ROR1: variants seen among roughly 807,000 people sequenced by gnomAD.
ROR1 encodes the protein ROR family WNT receptor 1.
A neutral mutation model predicts 78.8 loss-of-function variants in ROR1; 19 were observed. That is an observed-to-expected ratio of 0.24 (90% CI 0.17 to 0.35). The LOEUF is 0.35. ROR1 is among the 10% of genes least tolerant of loss of function. The pLI, the probability that ROR1 is intolerant of heterozygous loss-of-function variation, is 1.00. For missense variants in ROR1, 917 were observed against 1,177.8 expected (o/e 0.78, Z 3.24); for synonymous variants, 386 against 433.6 (o/e 0.89, Z 1.36).
intron 4 of ROR1, among the ~76,000 whole-genome samples, chr1:64,083,593 G>GAAAA (rs1270419889): frequency 2.2e-5 from 3 of 133,950 alleles, no homozygotes; most frequent in African/African-American, 3.0e-5. Flanking sequence ...GAGAGAGAGA[G>GAAAA]AGAAAAAAAA....
intron 2 of ROR1, among the ~76,000 whole-genome samples, chr1:64,049,223 A>G (rs976260362): frequency 5.3e-5 from 8 of 152,126 alleles, no homozygotes; most frequent in African/African-American, 1.7e-4. Context: ...TGCCATGTGG[A>G]TATGAATGTG....
chr1:63,861,890 G>A (rs893689070), intron 1 of ROR1, among the ~76,000 whole-genome samples: 1 of 152,034 alleles, frequency 6.6e-6, no homozygotes, highest in Non-Finnish European at 1.5e-5. Context: ...GAGTGGAGAC[G>A]CCTTTCCTGA....
chr1:64,056,950 T>G (rs969244854), intron 4 of ROR1, among the ~76,000 whole-genome samples: 2 of 152,196 alleles, frequency 1.3e-5, no homozygotes, highest in Admixed American at 6.5e-5. Context: ...ATATTTTCAT[T>G]CTATGGATTG....
intron 1 of ROR1, among the ~76,000 whole-genome samples, chr1:63,850,144 A>G (rs907682971): frequency 3.3e-5 from 5 of 152,232 alleles, no homozygotes; most frequent in African/African-American, 1.2e-4. Flanking sequence ...TGTACCTGTC[A>G]TACATCTTGC....
At chr1:63,951,078 G>A (rs1374962603) in intron 1 of ROR1, among the ~76,000 whole-genome samples, 1 of 152,194 alleles carries the variant, frequency 6.6e-6, no homozygotes, top group African/African-American at 2.4e-5. Context: ...TTTGGGGATT[G>A]GCTGAAGTAG....
intron 4 of ROR1, among the ~76,000 whole-genome samples, chr1:64,136,905 C>T (rs1649131461): frequency 1.3e-5 from 2 of 152,208 alleles, no homozygotes; most frequent in African/African-American, 2.4e-5. Flanking sequence ...GGTTTCTTTC[C>T]AGCTGCACCC....
At chr1:64,177,402 C>A in intron 8 of ROR1, 26 bp from the exon 9 acceptor site, 1 of 1,561,482 alleles carries the variant, frequency 6.4e-7, no homozygotes, top group Non-Finnish European at 8.7e-7. Flanking sequence ...ATGTTTTAAA[C>A]CACGTTTTTC....
chr1:64,007,923 T>A (rs190529119), intron 1 of ROR1, among the ~76,000 whole-genome samples: 26 of 151,068 alleles, frequency 1.7e-4, no homozygotes, highest in African/African-American at 5.8e-4. Context: ...GTTAATGTAG[T>A]ATTTTAGGGG....
intron 1 of ROR1, among the ~76,000 whole-genome samples, chr1:63,829,385 A>G (rs2100296539): frequency 6.6e-6 from 1 of 152,326 alleles, no homozygotes; most frequent in Middle Eastern, 3.4e-3. Flanking sequence ...AATGCGGGTG[A>G]TAGGGATAGT....
chr1:63,776,864 A>G (rs563050181), intron 1 of ROR1, among the ~76,000 whole-genome samples: 1 of 151,896 alleles, frequency 6.6e-6, no homozygotes, highest in Admixed American at 6.5e-5. Context: ...TGAATGTTTG[A>G]TCTTTTCTCT....
Position 64,159,155 on chromosome 1 carries a change from A to T in ROR1, c.1349A>T (p.Asn450Ile). The T allele has an allele frequency of 6.2e-7, 1 of 1,614,136 alleles. No homozygotes were observed. ...CAACCAAAACACGTCAGAGGTCAAA[A>T]TGTAGAGATGTCAATGCTGAATGCA... ...QRQPKHVRGQ[N>I]VEMSMLNAYK... The change falls in exon 8 of 9, where the codon AAT (asparagine) becomes ATT (isoleucine). Residue 450 changes from asparagine to isoleucine, a missense_variant. By Grantham distance (149) the Asn-to-Ile change is moderately radical. This residue lies in a region of ROR1 where 835 missense variants were observed against 1,069.8 expected (regional missense o/e 0.78). Coordinates refer to ENST00000371079, the MANE Select transcript of ROR1 (RefSeq NM_005012.4).
chr1:64,169,175 A>G (rs1328163988), intron 8 of ROR1, among the ~76,000 whole-genome samples: 1 of 152,250 alleles, frequency 6.6e-6, no homozygotes, highest in African/African-American at 2.4e-5. Flanking sequence ...ATTACCAAAA[A>G]TACTCCTCTA....
At chr1:63,843,490 G>A (rs1162004016) in intron 1 of ROR1, 1 of 755,812 alleles carries the variant, frequency 1.3e-6, no homozygotes, top group African/African-American at 1.7e-5. Context: ...GTGGTGTAGG[G>A]GTCGTCGATG....
chr1:64,116,658 A>T (rs1319999254), intron 4 of ROR1, among the ~76,000 whole-genome samples: 4 of 152,146 alleles, frequency 2.6e-5, no homozygotes, highest in African/African-American at 9.7e-5. Flanking sequence ...AGCTGGGTAT[A>T]TTGAAAGGAA....
intron 1 of ROR1, among the ~76,000 whole-genome samples, chr1:63,925,741 GA>G (rs1215128179): frequency 2.7e-5 from 4 of 149,348 alleles, no homozygotes; most frequent in Non-Finnish European, 6.0e-5. Flanking sequence ...TTGTGGTTTT[GA>G]TTTGCATTTC....
chr1:64,070,394 T>C (rs1451388613), intron 4 of ROR1, among the ~76,000 whole-genome samples: 1 of 152,164 alleles, frequency 6.6e-6, no homozygotes, highest in Non-Finnish European at 1.5e-5. Flanking sequence ...AGTGGTGCAA[T>C]CATGGCTTAC....
chr1:63,902,168 C>T (rs1204476254), intron 1 of ROR1, among the ~76,000 whole-genome samples: 1 of 152,018 alleles, frequency 6.6e-6, no homozygotes, highest in Admixed American at 6.6e-5. Context: ...TTAAAAAATT[C>T]TTTGTTCATA....
chr1:64,145,456 G>A (rs1292395906), intron 7 of ROR1, among the ~76,000 whole-genome samples: 3 of 152,078 alleles, frequency 2.0e-5, no homozygotes, highest in South Asian at 2.1e-4. Context: ...ATGGTTTTAC[G>A]GAAAGTTGAA....
chr1:63,989,862 C>T (rs112980690), intron 1 of ROR1, among the ~76,000 whole-genome samples: 3,413 of 152,284 alleles, frequency 0.022, 132 homozygotes, highest in African/African-American at 0.078. Flanking sequence ...CATGGATATG[C>T]GTCTCTCAAT....
Sources: gnomAD v4.1 joint callset for allele counts (sites outside exome capture counted in the v4.1 genomes callset) on GRCh38, gnomAD v4.1.1 for gene constraint, gnomAD v4.1.1 regional missense constraint, MANE v1.5 for transcripts, NCBI Gene and HGNC (gene_info 2026-07-23, HGNC 2026-07-21) for gene names.